The following ENOX1 variants were observed in gnomAD, a reference collection of about 807,000 sequenced individuals.
ENOX1 encodes the protein candidate growth-related and time keeping constitutive hydroquinone (NADH) oxidase.
A neutral mutation model predicts 82.5 loss-of-function variants in ENOX1; 42 were observed. The ratio of observed to expected loss-of-function variants is 0.51; its 90% CI spans 0.40 to 0.66. The LOEUF (loss-of-function observed/expected upper bound fraction) is 0.66. Among genes scored for constraint, ENOX1 ranks in the 30% least tolerant of loss-of-function variants. ENOX1 has a pLI of 0.00. For missense variants in ENOX1, 608 were observed against 811.6 expected (o/e 0.75, Z 3.05); for synonymous variants, 271 against 282.2 (o/e 0.96, Z 0.40).
Position 43,468,620 on chromosome 13 carries a change from T to A in ENOX1, c.-75+15389A>T, listed in dbSNP as rs558203504. Among the ~76,000 whole-genome samples, 18 of 141,422 alleles carry A rather than the reference T, an allele frequency of 1.3e-4. No homozygotes were observed. In the South Asian group the frequency reaches 4.2e-3, roughly 33 times the overall value. The allele number at this position is 141,422 out of a possible 152,430, so 92.8% of individuals were successfully genotyped here. On this transcript the variant is annotated intron_variant, in intron 3 of 16. Transcript: ENST00000690772. ...GCCTGGGCAATATAGTGAGACCCCA[T>A]TCTCCACAAAAAAGAAAAAAAAAAA...
chr13:43,744,743 G>A (rs987158034), intron 1 of ENOX1, among the ~76,000 whole-genome samples: 3 of 152,118 alleles, frequency 2.0e-5, no homozygotes, highest in Non-Finnish European at 4.4e-5. Flanking sequence ...AGCTATTATG[G>A]AAAAATTACA....
chr13:43,525,317 A>G (rs1013473849), intron 2 of ENOX1, among the ~76,000 whole-genome samples: 2 of 152,028 alleles, frequency 1.3e-5, no homozygotes, highest in Admixed American at 1.3e-4. Flanking sequence ...TGTCTCTATG[A>G]ATGTGACTAC....
At chr13:43,477,051 A>AT (rs1219163439) in intron 3 of ENOX1, among the ~76,000 whole-genome samples, 5 of 63,062 alleles carry the variant, frequency 7.9e-5, no homozygotes, top group African/African-American at 1.9e-4. Flanking sequence ...TTCTAAAAAA[A>AT]TAAAAAAAAA....
At chr13:43,751,243 TA>T (rs1950296855) in intron 1 of ENOX1, among the ~76,000 whole-genome samples, 1 of 152,226 alleles carries the variant, frequency 6.6e-6, no homozygotes, top group Non-Finnish European at 1.5e-5. Flanking sequence ...GCCACCCTTG[TA>T]AAGCCTTTAC....
intron 3 of ENOX1, among the ~76,000 whole-genome samples, chr13:43,483,447 T>C (rs779381764): frequency 2.0e-5 from 3 of 152,172 alleles, no homozygotes; most frequent in Non-Finnish European, 4.4e-5. Flanking sequence ...TTTTTCAAAC[T>C]GTTAATACAC....
At chr13:43,216,774 T>C (rs751251372) in intron 16 of ENOX1, among the ~76,000 whole-genome samples, 8 of 152,102 alleles carry the variant, frequency 5.3e-5, no homozygotes, top group Admixed American at 1.3e-4. Flanking sequence ...GTTTGTGCCA[T>C]TCATTAGGGA....
chr13:43,409,798 C>T (rs1454978477), intron 5 of ENOX1, among the ~76,000 whole-genome samples: 1 of 151,922 alleles, frequency 6.6e-6, no homozygotes, highest in Non-Finnish European at 1.5e-5. Flanking sequence ...GATTGAAATA[C>T]ACAGAAAAAA....
intron 1 of ENOX1, among the ~76,000 whole-genome samples, chr13:43,702,597 C>A (rs1220304428): frequency 6.6e-6 from 1 of 152,066 alleles, no homozygotes; most frequent in African/African-American, 2.4e-5. Context: ...TAGATGGGGC[C>A]TCTAGGAAGT....
intron 2 of ENOX1, among the ~76,000 whole-genome samples, chr13:43,640,897 TACACACACACGCACGCACACATAC>T (rs1566688944): frequency 6.7e-5 from 6 of 89,192 alleles, no homozygotes; most frequent in African/African-American, 1.8e-4. Flanking sequence ...CACACACACG[TACACACACACGCACGCACACATAC>T]ACACACACAC....
chr13:43,214,803 T>C (rs1460220787), intron 16 of ENOX1, among the ~76,000 whole-genome samples: 1 of 152,216 alleles, frequency 6.6e-6, no homozygotes, highest in African/African-American at 2.4e-5. Context: ...AGCACAGTGA[T>C]TGCTTTTGTT....
At chr13:43,357,663 C>T (rs1373468224) in intron 7 of ENOX1, among the ~76,000 whole-genome samples, 1 of 152,146 alleles carries the variant, frequency 6.6e-6, no homozygotes, top group Admixed American at 6.5e-5. Context: ...CACCTTTCCC[C>T]TGCTCATGTC....
chr13:43,624,339 T>C (rs2082875226), intron 2 of ENOX1, among the ~76,000 whole-genome samples: 1 of 152,188 alleles, frequency 6.6e-6, no homozygotes, highest in Non-Finnish European at 1.5e-5. Context: ...CTCAGATATC[T>C]GCTTTGCAAA....
At chr13:43,597,359 A>G (rs9594979) in intron 2 of ENOX1, among the ~76,000 whole-genome samples, 83,063 of 152,002 alleles carry the variant, frequency 0.55, 26,504 homozygotes, top group Non-Finnish European at 0.74. Flanking sequence ...ACAGGTGGGA[A>G]TGGAATCTAA....
At chr13:43,228,939 T>C (rs1474979204) in intron 15 of ENOX1, among the ~76,000 whole-genome samples, 2 of 152,196 alleles carry the variant, frequency 1.3e-5, no homozygotes, top group East Asian at 3.9e-4. Flanking sequence ...CACAAAGCGA[T>C]TGATGTGGTT....
At chr13:43,777,849 A>G (rs1244165318) in intron 1 of ENOX1, among the ~76,000 whole-genome samples, 1 of 152,188 alleles carries the variant, frequency 6.6e-6, no homozygotes, top group Non-Finnish European at 1.5e-5. Flanking sequence ...TGAATCTACA[A>G]TTATCCCGAA....
chr13:43,692,876 C>T (rs1221976810), intron 1 of ENOX1, among the ~76,000 whole-genome samples: 2 of 151,826 alleles, frequency 1.3e-5, no homozygotes, highest in African/African-American at 4.8e-5. Context: ...AAATTATGAC[C>T]CAGAATTTTC....
intron 2 of ENOX1, among the ~76,000 whole-genome samples, chr13:43,610,399 G>A (rs2082148882): frequency 6.6e-6 from 1 of 152,162 alleles, no homozygotes; most frequent in Non-Finnish European, 1.5e-5. Flanking sequence ...ATTTGATCAT[G>A]TGAATGCTGA....
chr13:43,321,115 G>A (rs2047783956), intron 11 of ENOX1: 1 of 456,276 alleles, frequency 2.2e-6, no homozygotes, highest in Non-Finnish European at 4.4e-6. Flanking sequence ...AGATTAAAAT[G>A]AATGAATTTG....
intron 1 of ENOX1, among the ~76,000 whole-genome samples, chr13:43,709,628 G>A (rs115962610): frequency 0.015 from 2,217 of 151,660 alleles, 51 homozygotes; most frequent in African/African-American, 0.049. Context: ...GGAGGGAGAA[G>A]GAAGATTAAC....
Sources: gnomAD v4.1 joint callset for allele counts (sites outside exome capture counted in the v4.1 genomes callset) on GRCh38, gnomAD v4.1.1 for gene constraint, MANE v1.5 for transcripts, NCBI Gene and HGNC (gene_info 2026-07-23, HGNC 2026-07-21) for gene names.